The following LAMA1 variants were observed in gnomAD, a reference collection of about 807,000 sequenced individuals.
The protein encoded by LAMA1 is laminin subunit alpha 1.
LAMA1 carries 219 observed loss-of-function variants against 348.7 expected under a neutral mutation model. That is an observed-to-expected ratio of 0.63 (90% CI 0.56 to 0.70). The LOEUF (loss-of-function observed/expected upper bound fraction) is 0.70. LAMA1 is among the 30% of genes least tolerant of loss of function. LAMA1 has a pLI of 0.00. For synonymous variants in LAMA1, 1,487 were observed against 1,491.0 expected (o/e 1.00, Z 0.06); for missense variants, 3,744 against 3,888.0 (o/e 0.96, Z 0.99).
In LAMA1 at chr18:7,107,281, G is replaced by C. The variant is rs146074686; in HGVS notation, c.61+10379C>G. ...CTACAGGCACCCGCCACCACGCCCG[G>C]CTAATTTTTTGTATTTTTAGTGGAG... On this transcript the variant is annotated intron_variant, in intron 1 of 62. Transcript: ENST00000389658. Among the ~76,000 whole-genome samples the C allele has an allele frequency of 2.6e-3, 400 of 152,062 alleles. 5 individuals carry two copies. The highest frequency in any genetic ancestry group is 9.2e-3 in the African/African-American group (382 of 41,504).
Position 6,973,108 on chromosome 18 carries a change from A to G in LAMA1, c.6723T>C (p.Asp2241=). 6.2e-7 allele frequency: 1 copy of G among 1,614,224 alleles called. No homozygotes were observed. The highest frequency in any genetic ancestry group is 2.2e-5 in the East Asian group (1 of 44,894). Residue 2241 remains aspartate (D), a synonymous_variant, in exon 47 of 63, where the codon GAT becomes GAC. Coordinates refer to ENST00000389658, the MANE Select transcript of LAMA1 (RefSeq NM_005559.4). ...CAAACATGAGTGTTGAATTGTTTAC[A>G]TCCAGAACATTAGCTGTCCCAGGGG... ...SKSPGTANVL[D]VNNSTLMFVG... is the part of the protein sequence containing the mutation.
intron 3 of LAMA1, among the ~76,000 whole-genome samples, chr18:7,064,813 G>A (rs2058115921): frequency 6.6e-6 from 1 of 152,078 alleles, no homozygotes; most frequent in Admixed American, 6.5e-5. Context: ...TTAAATAGTA[G>A]GAAAAGCAAA....
chr18:7,092,177 T>G (rs1420152237), intron 1 of LAMA1, among the ~76,000 whole-genome samples: 1 of 152,222 alleles, frequency 6.6e-6, no homozygotes, highest in East Asian at 1.9e-4. Flanking sequence ...TGAAGCCACC[T>G]CTTTATAAGC....
At position 7,036,150 on chromosome 18, in the gene LAMA1, A is replaced by G; in HGVS notation, c.1738-62T>C. Reference sequence around the variant, plus strand: ...AGACAATCACAGCAACAATCAAGTAAGAGGAAGTGGTCACTGGGATCCATC... The same window carrying G: ...AGACAATCACAGCAACAATCAAGTAGGAGGAAGTGGTCACTGGGATCCATC... On this transcript the variant is annotated intron_variant, in intron 12 of 62. Coordinates refer to ENST00000389658, the MANE Select transcript of LAMA1 (RefSeq NM_005559.4). 16 of 1,186,258 alleles carry G rather than the reference A, an allele frequency of 1.3e-5. 1 individual carries two copies. In the South Asian group the frequency reaches 1.9e-4, roughly 14 times the overall value. 73.5% of individuals were successfully genotyped at this position (1,186,258 alleles called of 1,614,324 possible). A position where few individuals can be genotyped will look rare whatever the true frequency, so the allele number is the denominator to read the frequency against.
At chr18:7,062,744 G>A (rs2058107441) in intron 3 of LAMA1, among the ~76,000 whole-genome samples, 1 of 152,172 alleles carries the variant, frequency 6.6e-6, no homozygotes, top group South Asian at 2.1e-4. Context: ...GAAGAGTGCA[G>A]AGTTCTCTCC....
chr18:7,027,093 T>C, intron 16 of LAMA1, among the ~76,000 whole-genome samples: 1 of 151,890 alleles, frequency 6.6e-6, no homozygotes. Context: ...AACAATAAAA[T>C]TCAACATCTG....
intron 6 of LAMA1, among the ~76,000 whole-genome samples, chr18:7,045,525 T>G (rs2058038336): frequency 6.6e-6 from 1 of 152,178 alleles, no homozygotes; most frequent in African/African-American, 2.4e-5. Context: ...ATTCATTTAA[T>G]GTAATGCTAA....
intron 44 of LAMA1, among the ~76,000 whole-genome samples, chr18:6,976,667 C>T (rs550195125): frequency 3.8e-4 from 58 of 151,970 alleles, no homozygotes; most frequent in African/African-American, 1.1e-3. Context: ...AGTGCAGTGG[C>T]GTGATCATAG....
intron 25 of LAMA1, 109 bp from the exon 26 acceptor site, chr18:7,010,494 T>C: frequency 9.7e-7 from 1 of 1,025,748 alleles, no homozygotes; most frequent in Non-Finnish European, 1.5e-6. Context: ...TAAAAATACA[T>C]CACATGGGTG....
intron 3 of LAMA1, among the ~76,000 whole-genome samples, chr18:7,064,229 G>A (rs1320464404): frequency 6.6e-6 from 1 of 151,868 alleles, no homozygotes; most frequent in Non-Finnish European, 1.5e-5. Flanking sequence ...TACAAAAAAA[G>A]GTTACAATGG....
intron 20 of LAMA1, 131 bp from the exon 21 acceptor site, chr18:7,016,802 C>A (rs758734493): frequency 3.3e-5 from 27 of 819,254 alleles, no homozygotes; most frequent in Non-Finnish European, 4.5e-5. Context: ...CCATCCCCAT[C>A]CCTTTATAGC....
intron 37 of LAMA1, among the ~76,000 whole-genome samples, chr18:6,985,906 A>G (rs1040348978): frequency 6.6e-6 from 1 of 152,008 alleles, no homozygotes; most frequent in Non-Finnish European, 1.5e-5. Flanking sequence ...CTACAGGCGC[A>G]TGCCACCACG....
chr18:6,990,358 G>GC (rs1212590792), intron 36 of LAMA1, among the ~76,000 whole-genome samples: 1 of 152,034 alleles, frequency 6.6e-6, no homozygotes, highest in Non-Finnish European at 1.5e-5. Context: ...GGAGGGGAGA[G>GC]CCCCACAAAA....
chr18:6,974,897 T>C lies in LAMA1; in HGVS notation c.6623+6A>G, dbSNP rs566743224. The C allele has an allele frequency of 6.2e-7, 1 of 1,614,124 alleles. No individual in the cohort carries two copies. The highest frequency in any genetic ancestry group is 2.2e-5 in the East Asian group (1 of 44,866). ...AGAGCTGCTTTGAGAGAACATTCTC[T>C]TCTACCTGGCTACATGGATACTGTG... On this transcript the variant is annotated splice_donor_region_variant and intron_variant, in intron 46 of 62. Coordinates refer to ENST00000389658, the MANE Select transcript of LAMA1 (RefSeq NM_005559.4).
At chr18:6,970,655 G>A (rs527464514) in intron 48 of LAMA1, among the ~76,000 whole-genome samples, 2 of 149,578 alleles carry the variant, frequency 1.3e-5, no homozygotes, top group Non-Finnish European at 3.0e-5. Context: ...ATGGAGTTTC[G>A]CTCTGTCACC....
At chr18:7,009,192 C>T (rs202176515) in intron 27 of LAMA1, 47 bp downstream of exon 27, 6 of 1,611,684 alleles carry the variant, frequency 3.7e-6, no homozygotes, top group Non-Finnish European at 4.2e-6. Context: ...TTTCAGTTTG[C>T]TTTCAAATAT....
intron 62 of LAMA1, among the ~76,000 whole-genome samples, chr18:6,942,826 A>C (rs1425244967): frequency 6.6e-6 from 1 of 152,204 alleles, no homozygotes; most frequent in Non-Finnish European, 1.5e-5. Context: ...ACATAATTCT[A>C]ATCCAAAATT....
chr18:7,033,230 G>A (rs2057979003), intron 14 of LAMA1, 135 bp from the exon 15 acceptor site: 1 of 687,246 alleles, frequency 1.5e-6, no homozygotes, highest in Non-Finnish European at 2.6e-6. Flanking sequence ...ACTTTGGGAG[G>A]CCAAGGTGGG....
At chr18:7,080,597 T>C (rs1805408790) in intron 1 of LAMA1, 140 bp from the exon 2 acceptor site, 3 of 878,268 alleles carry the variant, frequency 3.4e-6, no homozygotes, top group Admixed American at 2.1e-5. Flanking sequence ...AAACACCGTA[T>C]ACGCAGCATG....
Sources: gnomAD v4.1 joint callset for allele counts (sites outside exome capture counted in the v4.1 genomes callset) on GRCh38, gnomAD v4.1.1 for gene constraint, MANE v1.5 for transcripts, NCBI Gene and HGNC (gene_info 2026-07-23, HGNC 2026-07-21) for gene names.